CREB5: variants seen among roughly 807,000 people sequenced by gnomAD.
The protein encoded by CREB5 is cAMP responsive element binding protein 5.
CREB5 carries 19 observed loss-of-function variants against 57.1 expected under a neutral mutation model. The ratio of observed to expected loss-of-function variants is 0.33; its 90% confidence interval spans 0.23 to 0.49. The LOEUF (loss-of-function observed/expected upper bound fraction) is 0.49, where lower values mean the gene tolerates loss of function less well. CREB5 is among the 20% of genes least tolerant of loss of function. CREB5 has a pLI of 0.99. For missense variants in CREB5, 579 were observed against 671.6 expected (o/e 0.86, Z 1.52); for synonymous variants, 238 against 238.3 (o/e 1.00, Z 0.01).
At chr7:28,384,898 T>C (rs905423188) in intron 1 of CREB5, among the ~76,000 whole-genome samples, 2 of 152,236 alleles carry the variant, frequency 1.3e-5, no homozygotes, top group African/African-American at 2.4e-5. Context: ...AATAATTTTA[T>C]GTGAAAATTC....
chr7:28,329,240 G>T (rs930509243), intron 1 of CREB5, among the ~76,000 whole-genome samples: 1 of 152,174 alleles, frequency 6.6e-6, no homozygotes, highest in South Asian at 2.1e-4. Flanking sequence ...TCAAATCTAC[G>T]AGCTGAAATC....
chr7:28,300,529 A>C (rs922144313), intron 1 of CREB5, among the ~76,000 whole-genome samples: 2 of 152,202 alleles, frequency 1.3e-5, no homozygotes, highest in African/African-American at 4.8e-5. Context: ...ACAAAGGTGC[A>C]TTCAAAACAG....
At chr7:28,744,847 C>G (rs775399757) in intron 7 of CREB5, among the ~76,000 whole-genome samples, 26 of 152,202 alleles carry the variant, frequency 1.7e-4, no homozygotes, top group South Asian at 6.2e-4. Context: ...TTTGCCTTTG[C>G]AAAATCAAAT....
intron 1 of CREB5, among the ~76,000 whole-genome samples, chr7:28,444,970 TG>T (rs1789370247): frequency 6.6e-6 from 1 of 152,194 alleles, no homozygotes; most frequent in Non-Finnish European, 1.5e-5. Flanking sequence ...CATCTTGAGT[TG>T]TAGCTCCCAT....
chr7:28,791,745 A>G (rs1255180737), intron 7 of CREB5, among the ~76,000 whole-genome samples: 1 of 152,214 alleles, frequency 6.6e-6, no homozygotes, highest in Non-Finnish European at 1.5e-5. Context: ...AGCTTGTAAG[A>G]AGATAAATTT....
At chr7:28,573,947 A>C (rs892851728) in intron 5 of CREB5, among the ~76,000 whole-genome samples, 1 of 152,188 alleles carries the variant, frequency 6.6e-6, no homozygotes, top group African/African-American at 2.4e-5. Context: ...AATTCTGTGA[A>C]AGTAGTGCCA....
intron 9 of CREB5, among the ~76,000 whole-genome samples, chr7:28,810,612 C>G (rs1164037446): frequency 6.6e-6 from 1 of 152,126 alleles, no homozygotes; most frequent in Non-Finnish European, 1.5e-5. Context: ...AGGAGAATGG[C>G]TTGAATGCAG....
intron 1 of CREB5, among the ~76,000 whole-genome samples, chr7:28,418,870 T>C (rs1343545324): frequency 6.6e-6 from 1 of 152,196 alleles, no homozygotes; most frequent in Non-Finnish European, 1.5e-5. Flanking sequence ...TTTGGGTTGC[T>C]TCCAGGTAGG....
chr7:28,471,355 G>T (rs1047688078), intron 1 of CREB5, among the ~76,000 whole-genome samples: 5 of 151,896 alleles, frequency 3.3e-5, no homozygotes, highest in Non-Finnish European at 7.4e-5. Context: ...TATCTTCTTG[G>T]CCCCTTTATT....
chr7:28,314,267 G>A (rs1562652847), intron 1 of CREB5, among the ~76,000 whole-genome samples: 1 of 152,196 alleles, frequency 6.6e-6, no homozygotes, highest in East Asian at 1.9e-4. Context: ...AACCAGACAT[G>A]TTTTAGGAAA....
intron 5 of CREB5, among the ~76,000 whole-genome samples, chr7:28,587,046 GAACA>G (rs1796329648): frequency 2.0e-5 from 3 of 152,190 alleles, no homozygotes; most frequent in African/African-American, 7.2e-5. Context: ...GATAACATCA[GAACA>G]ACTCAAATGT....
intron 7 of CREB5, among the ~76,000 whole-genome samples, chr7:28,779,596 T>G (rs34820887): frequency 6.6e-6 from 1 of 152,010 alleles, no homozygotes; most frequent in African/African-American, 2.4e-5. Context: ...GTTAGGAAGG[T>G]AGACTTAGAT....
chr7:28,415,075 C>T (rs1473449137), intron 1 of CREB5, among the ~76,000 whole-genome samples: 2 of 152,038 alleles, frequency 1.3e-5, no homozygotes, highest in Non-Finnish European at 2.9e-5. Context: ...TCTTCTATTT[C>T]CTTAAGGTTA....
At chr7:28,658,975 A>ATG (rs1159628776) in intron 5 of CREB5, among the ~76,000 whole-genome samples, 7 of 137,704 alleles carry the variant, frequency 5.1e-5, no homozygotes, top group African/African-American at 1.4e-4. Context: ...ATATATATAT[A>ATG]TATATGTATA....
intron 7 of CREB5, among the ~76,000 whole-genome samples, chr7:28,743,792 T>TC (rs1804513494): frequency 6.7e-6 from 1 of 149,274 alleles, no homozygotes; most frequent in Admixed American, 6.7e-5. Flanking sequence ...CCTGTGTCCT[T>TC]CCCCGGTCTT....
chr7:28,611,489 TAA>T (rs59192497), intron 5 of CREB5, among the ~76,000 whole-genome samples: 30 of 47,980 alleles, frequency 6.3e-4, no homozygotes, highest in African/African-American at 2.5e-3. Flanking sequence ...CCATCTCTAC[TAA>T]AAAAAAAAAA....
intron 1 of CREB5, among the ~76,000 whole-genome samples, chr7:28,377,936 AAAAAAAAAACAAAAAAGAAAAAG>A (rs1200652587): frequency 4.0e-5 from 6 of 150,276 alleles, no homozygotes; most frequent in African/African-American, 1.5e-4. Context: ...TATCTCAAAA[AAAAAAAAAACAAAAAAGAAAAAG>A]AAAAAGAAAA....
intron 1 of CREB5, among the ~76,000 whole-genome samples, chr7:28,343,688 T>A (rs1367567561): frequency 6.6e-6 from 1 of 152,214 alleles, no homozygotes; most frequent in Non-Finnish European, 1.5e-5. Flanking sequence ...CATGCAGGTA[T>A]TTCTTTGACA....
At chr7:28,589,292 C>A (rs555465660) in intron 5 of CREB5, among the ~76,000 whole-genome samples, 2 of 152,160 alleles carry the variant, frequency 1.3e-5, no homozygotes, top group East Asian at 3.9e-4. Context: ...CAGTGGCTCA[C>A]GCATGTAATC....
Sources: allele counts gnomAD v4.1 joint callset (sites outside exome capture counted in the v4.1 genomes callset), GRCh38; gene constraint gnomAD v4.1.1; transcripts MANE v1.5; gene names NCBI Gene and HGNC (gene_info 2026-07-23, HGNC 2026-07-21).